C8orf34: variants seen among roughly 807,000 people sequenced by gnomAD.
C8orf34 encodes uncharacterized protein C8orf34.
In C8orf34, 65 loss-of-function variants were observed where a neutral mutation model predicts 68.3. That is an observed-to-expected ratio of 0.95 (90% CI 0.78 to 1.17). The LOEUF (loss-of-function observed/expected upper bound fraction) is 1.17. Ranked by LOEUF, C8orf34 falls within the 50% of genes most tolerant of loss-of-function variation. The pLI, the probability that C8orf34 is intolerant of heterozygous loss-of-function variation, is 0.00. For synonymous variants in C8orf34, 244 were observed against 241.2 expected (o/e 1.01, Z -0.11); for missense variants, 664 against 655.4 (o/e 1.01, Z -0.14).
In C8orf34 at chr8:68,749,815, A is replaced by G. The variant is rs185308927; in HGVS notation, c.1405-26584A>G. On this transcript the variant is annotated intron_variant, in intron 10 of 13. Coordinates refer to ENST00000518698, the MANE Select transcript of C8orf34 (RefSeq NM_052958.4). Reference sequence around the variant, plus strand: ...AGGAAAAAGTAGTTTATTGCTTTTTATTGATGAATACTAGTACTCCCTGTT... The same window carrying G: ...AGGAAAAAGTAGTTTATTGCTTTTTGTTGATGAATACTAGTACTCCCTGTT... Among the ~76,000 whole-genome samples the G allele has an allele frequency of 5.8e-4, 89 of 152,288 alleles. No individual in the cohort carries two copies. In the East Asian group the frequency reaches 0.013, roughly 21 times the overall value.
At chr8:68,513,307 C>T (rs2380469) in intron 5 of C8orf34, among the ~76,000 whole-genome samples, 26,970 of 152,096 alleles carry the variant, frequency 0.18, 5,039 homozygotes, top group African/African-American at 0.47. Context: ...TCATACACAG[C>T]ACAGACACAG....
intron 3 of C8orf34, among the ~76,000 whole-genome samples, chr8:68,460,320 A>C (rs1431035386): frequency 1.3e-5 from 2 of 152,252 alleles, no homozygotes; most frequent in East Asian, 1.9e-4. Flanking sequence ...ACCACAGCTC[A>C]AGGAGGCCTG....
chr8:68,606,144 T>C (rs1334284381), intron 7 of C8orf34, among the ~76,000 whole-genome samples: 2 of 152,106 alleles, frequency 1.3e-5, no homozygotes, highest in South Asian at 2.1e-4. Flanking sequence ...AAATGATGGA[T>C]TGAGGAAAAC....
chr8:68,802,280 A>G (rs901306125), intron 12 of C8orf34, among the ~76,000 whole-genome samples: 13 of 149,852 alleles, frequency 8.7e-5, no homozygotes, highest in Admixed American at 8.6e-4. Flanking sequence ...TTGTATTTTT[A>G]GTAGAGAAGG....
At chr8:68,678,304 A>G (rs1246660063) in intron 8 of C8orf34, among the ~76,000 whole-genome samples, 1 of 152,190 alleles carries the variant, frequency 6.6e-6, no homozygotes, top group Non-Finnish European at 1.5e-5. Flanking sequence ...ACTATACACC[A>G]ATATCTCTGA....
At chr8:68,608,005 G>A (rs1178010065) in intron 7 of C8orf34, among the ~76,000 whole-genome samples, 1 of 151,892 alleles carries the variant, frequency 6.6e-6, no homozygotes, top group Non-Finnish European at 1.5e-5. Context: ...GAACTTTCTG[G>A]TCAAAAAATG....
chr8:68,374,806 A>G (rs1030002518), intron 1 of C8orf34, among the ~76,000 whole-genome samples: 1 of 152,212 alleles, frequency 6.6e-6, no homozygotes, highest in African/African-American at 2.4e-5. Flanking sequence ...ATTAAAAATT[A>G]TTCAAATACC....
chr8:68,733,391 G>A (rs1822037547), intron 10 of C8orf34, among the ~76,000 whole-genome samples: 1 of 152,106 alleles, frequency 6.6e-6, no homozygotes, highest in African/African-American at 2.4e-5. Context: ...CTAAGTTAAC[G>A]ATTCTCATCT....
At chr8:68,813,434 A>G (rs1824716381) in intron 12 of C8orf34, among the ~76,000 whole-genome samples, 1 of 152,096 alleles carries the variant, frequency 6.6e-6, no homozygotes, top group South Asian at 2.1e-4. Context: ...TAATCAAAAT[A>G]AAGTCTTCTC....
Position 68,818,444 on chromosome 8 carries a change from T to C in C8orf34, c.*198T>C. 1 of 576,482 alleles carries C rather than the reference T, an allele frequency of 1.7e-6. No individual in the cohort carries two copies. 35.7% of individuals were successfully genotyped at this position (576,482 alleles called of 1,614,324 possible). On this transcript the variant is annotated 3_prime_UTR_variant, in exon 14 of 14. Transcript: ENST00000518698. Reference sequence around the variant, plus strand: ...GAACACTAATCCTGGCAAAGGATTGTGGGGTGGTCAGGAGGCCGGCTGCCT... The same window carrying C: ...GAACACTAATCCTGGCAAAGGATTGCGGGGTGGTCAGGAGGCCGGCTGCCT...
chr8:68,747,172 C>A (rs972393473), intron 10 of C8orf34, among the ~76,000 whole-genome samples: 285 of 152,098 alleles, frequency 1.9e-3, no homozygotes, highest in African/African-American at 6.4e-3. Context: ...AGGCCTTTGA[C>A]AAAATTCAAC....
chr8:68,622,404 T>A (rs942694106), intron 7 of C8orf34, among the ~76,000 whole-genome samples: 1 of 152,110 alleles, frequency 6.6e-6, no homozygotes, highest in African/African-American at 2.4e-5. Flanking sequence ...CATATTAATA[T>A]CTACTAACCT....
intron 5 of C8orf34, among the ~76,000 whole-genome samples, chr8:68,519,340 T>C (rs1814651838): frequency 6.6e-6 from 1 of 152,128 alleles, no homozygotes; most frequent in South Asian, 2.1e-4. Flanking sequence ...AAATACAAAT[T>C]TCGTATACAT....
At chr8:68,769,403 TA>T (rs576492776) in intron 10 of C8orf34, among the ~76,000 whole-genome samples, 1 of 151,920 alleles carries the variant, frequency 6.6e-6, no homozygotes, top group Admixed American at 6.6e-5. Context: ...TATATTTTAT[TA>T]TTTTTTTTAA....
chr8:68,563,785 GA>G (rs1251761172), intron 7 of C8orf34, among the ~76,000 whole-genome samples: 1 of 152,158 alleles, frequency 6.6e-6, no homozygotes, highest in Non-Finnish European at 1.5e-5. Flanking sequence ...AGTGAGGAAA[GA>G]GATATATAAT....
At chr8:68,734,729 G>T (rs1822076093) in intron 10 of C8orf34, among the ~76,000 whole-genome samples, 1 of 152,070 alleles carries the variant, frequency 6.6e-6, no homozygotes, top group African/African-American at 2.4e-5. Flanking sequence ...GGTTAAGGCG[G>T]TCACACTCAT....
chr8:68,760,865 T>C (rs187355981), intron 10 of C8orf34, among the ~76,000 whole-genome samples: 1 of 152,322 alleles, frequency 6.6e-6, no homozygotes, highest in East Asian at 1.9e-4. Flanking sequence ...CTATCACTGT[T>C]TAAATATTTA....
At position 68,574,188 on chromosome 8, in the gene C8orf34, TG is replaced by T. The variant is rs1182691974; in HGVS notation, c.1105+41040del. Among the ~76,000 whole-genome samples the T allele has an allele frequency of 2.0e-5, 3 of 152,226 alleles. No individual in the cohort carries two copies. In the East Asian group the frequency reaches 5.8e-4, roughly 29 times the overall value. ...TAATATTAGCTGCTATTTCAACATC[TG>T]TATACATATGTAAGTATTAATATTT... On this transcript the variant is annotated intron_variant, in intron 7 of 13. Transcript: ENST00000518698.
intron 11 of C8orf34, among the ~76,000 whole-genome samples, chr8:68,778,952 G>C (rs1038854933): frequency 4.6e-5 from 7 of 152,034 alleles, no homozygotes; most frequent in Non-Finnish European, 8.8e-5. Flanking sequence ...TGAGGCAGGA[G>C]GATTGCTAGA....
Sources: gnomAD v4.1 joint callset for allele counts (sites outside exome capture counted in the v4.1 genomes callset) on GRCh38, gnomAD v4.1.1 for gene constraint, MANE v1.5 for transcripts, NCBI Gene and HGNC (gene_info 2026-07-23, HGNC 2026-07-21) for gene names.